Variants in RALYL observed in about 807,000 individuals in gnomAD.
RALYL encodes RALY RNA binding protein like, also known as RNA-binding Raly-like protein.
In RALYL, 29 loss-of-function variants were observed where a neutral mutation model predicts 35.1. That is an observed-to-expected ratio of 0.83 (90% CI 0.61 to 1.13). The LOEUF (loss-of-function observed/expected upper bound fraction) is 1.13, where lower values mean the gene tolerates loss of function less well. RALYL is among the 50% of genes most tolerant of loss of function. RALYL has a pLI of 0.00. For missense variants in RALYL, 359 were observed against 360.4 expected (o/e 1.00, Z 0.03); for synonymous variants, 120 against 127.6 (o/e 0.94, Z 0.40).
intron 4 of RALYL, among the ~76,000 whole-genome samples, chr8:84,817,388 A>G (rs1827576018): frequency 6.6e-6 from 1 of 152,008 alleles, no homozygotes; most frequent in Non-Finnish European, 1.5e-5. Flanking sequence ...TTATAGTATT[A>G]GCCACTTGCT....
At chr8:84,524,479 A>T (rs1421720600) in intron 1 of RALYL, among the ~76,000 whole-genome samples, 2 of 152,220 alleles carry the variant, frequency 1.3e-5, no homozygotes, top group African/African-American at 4.8e-5. Flanking sequence ...GTGGAGAAAT[A>T]GGAACACTTT....
intron 2 of RALYL, among the ~76,000 whole-genome samples, chr8:84,574,943 A>G (rs534263953): frequency 1.2e-4 from 19 of 152,252 alleles, no homozygotes; most frequent in African/African-American, 4.1e-4. Context: ...ATATAAGGTA[A>G]AAGTTTCTGG....
At chr8:84,895,414 T>A (rs889312702) in intron 8 of RALYL, among the ~76,000 whole-genome samples, 3 of 152,022 alleles carry the variant, frequency 2.0e-5, no homozygotes, top group Non-Finnish European at 2.9e-5. Flanking sequence ...TTGTATCCTC[T>A]TATATATTTT....
chr8:84,900,404 C>T (rs1050124125), intron 8 of RALYL, among the ~76,000 whole-genome samples: 2 of 152,124 alleles, frequency 1.3e-5, no homozygotes, highest in Non-Finnish European at 2.9e-5. Flanking sequence ...CGGCTGGGTG[C>T]GGTGGCTCAC....
chr8:84,869,933 T>C (rs977929545), intron 6 of RALYL, among the ~76,000 whole-genome samples: 7 of 152,140 alleles, frequency 4.6e-5, no homozygotes, highest in African/African-American at 1.7e-4. Flanking sequence ...GTCAACTGTA[T>C]CAGAATGTAA....
intron 2 of RALYL, among the ~76,000 whole-genome samples, chr8:84,674,669 G>A (rs1385594032): frequency 6.6e-6 from 1 of 152,124 alleles, no homozygotes; most frequent in African/African-American, 2.4e-5. Flanking sequence ...CATCAAGGCT[G>A]TATAATCCAG....
intron 4 of RALYL, among the ~76,000 whole-genome samples, chr8:84,810,309 G>A (rs1336226028): frequency 6.6e-6 from 1 of 152,022 alleles, no homozygotes. Flanking sequence ...ATTCCTTTTT[G>A]AGTTGATTTC....
Position 84,784,178 on chromosome 8 carries a change from T to G in RALYL, c.332+9524T>G, listed in dbSNP as rs532126928. 2.0e-5 allele frequency among the ~76,000 whole-genome samples: 3 copies of G among 152,284 alleles called. No individual in the cohort carries two copies. In the East Asian group the frequency reaches 5.8e-4, roughly 29 times the overall value. ...AAGCCCCTGCAGCCACATCAGGGCT[T>G]CTTCTATAACACAGTCTTCACACAT... On this transcript the variant is annotated intron_variant, in intron 3 of 8. Coordinates refer to ENST00000521268, the MANE Select transcript of RALYL (RefSeq NM_173848.7).
chr8:84,757,040 C>T (rs1331336853), intron 2 of RALYL, among the ~76,000 whole-genome samples: 1 of 151,932 alleles, frequency 6.6e-6, no homozygotes, highest in Non-Finnish European at 1.5e-5. Context: ...TATTGACATA[C>T]TAACAAGAAG....
At chr8:84,801,039 A>T (rs1307842145) in intron 3 of RALYL, among the ~76,000 whole-genome samples, 1 of 152,206 alleles carries the variant, frequency 6.6e-6, no homozygotes, top group Non-Finnish European at 1.5e-5. Context: ...GAGTCCCTGA[A>T]TCATACCAAG....
At chr8:84,796,006 C>T (rs1218107921) in intron 3 of RALYL, among the ~76,000 whole-genome samples, 1 of 152,198 alleles carries the variant, frequency 6.6e-6, no homozygotes, top group African/African-American at 2.4e-5. Context: ...TAACACTACA[C>T]CCTTGTAAGT....
intron 1 of RALYL, among the ~76,000 whole-genome samples, chr8:84,270,823 G>A (rs1834167734): frequency 6.6e-6 from 1 of 152,034 alleles, no homozygotes; most frequent in South Asian, 2.1e-4. Context: ...AGTCTAACAA[G>A]TTATAGTGAA....
intron 1 of RALYL, among the ~76,000 whole-genome samples, chr8:84,313,336 G>A (rs997879886): frequency 1.3e-5 from 2 of 152,158 alleles, no homozygotes; most frequent in African/African-American, 4.8e-5. Context: ...CATTGTCTTG[G>A]CTATTAAATT....
intron 2 of RALYL, among the ~76,000 whole-genome samples, chr8:84,752,620 C>T (rs1000939517): frequency 5.3e-5 from 8 of 152,226 alleles, no homozygotes; most frequent in Admixed American, 3.3e-4. Context: ...GCCCAGGGCC[C>T]AGTTCCCCTG....
intron 1 of RALYL, among the ~76,000 whole-genome samples, chr8:84,225,942 A>G (rs1212557648): frequency 1.3e-5 from 2 of 152,218 alleles, no homozygotes; most frequent in Admixed American, 1.3e-4. Flanking sequence ...AGAAATGAGA[A>G]GTAGGTTATT....
chr8:84,331,240 C>A (rs752180648), intron 1 of RALYL, among the ~76,000 whole-genome samples: 10 of 152,016 alleles, frequency 6.6e-5, no homozygotes, highest in Non-Finnish European at 2.9e-5. Context: ...TAATATTGAT[C>A]TTTGCACTTT....
chr8:84,202,755 G>C (rs555349717), intron 1 of RALYL, among the ~76,000 whole-genome samples: 1 of 152,150 alleles, frequency 6.6e-6, no homozygotes, highest in African/African-American at 2.4e-5. Flanking sequence ...CTACAAAATT[G>C]CATTTTGTAC....
At chr8:84,210,144 T>C (rs1819109551) in intron 1 of RALYL, among the ~76,000 whole-genome samples, 1 of 152,098 alleles carries the variant, frequency 6.6e-6, no homozygotes, top group South Asian at 2.1e-4. Flanking sequence ...AAATGCACCC[T>C]ACTTCTTTAT....
At chr8:84,371,374 C>T (rs985317565) in intron 1 of RALYL, among the ~76,000 whole-genome samples, 3 of 151,860 alleles carry the variant, frequency 2.0e-5, no homozygotes, top group African/African-American at 4.8e-5. Flanking sequence ...ACTCTTTCTC[C>T]GTCACAAAAA....
Sources: allele counts gnomAD v4.1 joint callset (sites outside exome capture counted in the v4.1 genomes callset), GRCh38; gene constraint gnomAD v4.1.1; transcripts MANE v1.5; gene names NCBI Gene and HGNC (gene_info 2026-07-23, HGNC 2026-07-21).